The following GRM8 variants were observed in gnomAD, a reference collection of about 807,000 sequenced individuals.
The protein encoded by GRM8 is glutamate metabotropic receptor 8.
In GRM8, 47 loss-of-function variants were observed where a neutral mutation model predicts 87.2. The observed-to-expected ratio is 0.54, with a 90% CI of 0.43 to 0.69. The LOEUF is 0.69. GRM8 is among the 30% of genes least tolerant of loss of function. The pLI is 0.00. For synonymous variants in GRM8, 396 were observed against 404.5 expected (o/e 0.98, Z 0.25); for missense variants, 1,019 against 1,139.2 (o/e 0.89, Z 1.52).
chr7:127,105,476 T>A (rs1004542780), intron 3 of GRM8: 2 of 152,232 alleles, frequency 1.3e-5, no homozygotes, highest in African/African-American at 4.8e-5. Flanking sequence ...CATCTGCAAG[T>A]CTCTCAAGTG....
intron 3 of GRM8, among the ~76,000 whole-genome samples, chr7:126,998,521 A>G (rs1437256491): frequency 6.6e-6 from 1 of 151,896 alleles, no homozygotes; most frequent in Non-Finnish European, 1.5e-5. Context: ...TATTTGGTAA[A>G]GCCTAAACAC....
intron 8 of GRM8, among the ~76,000 whole-genome samples, chr7:126,586,503 C>A (rs1161337549): frequency 6.6e-6 from 1 of 152,084 alleles, no homozygotes; most frequent in Non-Finnish European, 1.5e-5. Flanking sequence ...TGGAACAGAA[C>A]AGAGCCCTCA....
chr7:127,066,383 G>A (rs909481851), intron 3 of GRM8, among the ~76,000 whole-genome samples: 7 of 152,164 alleles, frequency 4.6e-5, no homozygotes, highest in Admixed American at 2.6e-4. Context: ...ATATCTAAAC[G>A]CATGCAATTA....
At chr7:126,480,948 C>T (rs1262556408) in intron 9 of GRM8, among the ~76,000 whole-genome samples, 1 of 151,952 alleles carries the variant, frequency 6.6e-6, no homozygotes, top group Non-Finnish European at 1.5e-5. Flanking sequence ...GAACCTGGAA[C>T]ATCTTGGGGT....
At chr7:126,993,085 T>A (rs1173737442) in intron 3 of GRM8, among the ~76,000 whole-genome samples, 1 of 152,066 alleles carries the variant, frequency 6.6e-6, no homozygotes, top group Non-Finnish European at 1.5e-5. Flanking sequence ...TCAGACGACT[T>A]GAGGTTAAAA....
chr7:127,233,082 G>A (rs532819258), intron 2 of GRM8, among the ~76,000 whole-genome samples: 3 of 152,082 alleles, frequency 2.0e-5, no homozygotes, highest in South Asian at 2.1e-4. Context: ...CACCTGCCTC[G>A]GCCTCCCAAA....
At chr7:127,181,293 G>T (rs1233381246) in intron 2 of GRM8, among the ~76,000 whole-genome samples, 3 of 151,886 alleles carry the variant, frequency 2.0e-5, no homozygotes, top group Non-Finnish European at 2.9e-5. Flanking sequence ...TAACCAAGGG[G>T]TCAAAAGACC....
intron 7 of GRM8, among the ~76,000 whole-genome samples, chr7:126,643,601 T>C (rs532194907): frequency 6.6e-6 from 1 of 152,200 alleles, no homozygotes; most frequent in Admixed American, 6.6e-5. Context: ...TGGAATATCA[T>C]AGGATTTTAA....
chr7:126,466,136 T>C (rs1306507801), intron 9 of GRM8, among the ~76,000 whole-genome samples: 2 of 151,958 alleles, frequency 1.3e-5, no homozygotes, highest in Non-Finnish European at 2.9e-5. Flanking sequence ...GTTCTCAGTC[T>C]TTCAGTGGAA....
At chr7:126,884,522 C>T (rs1464487536) in intron 6 of GRM8, among the ~76,000 whole-genome samples, 1 of 152,044 alleles carries the variant, frequency 6.6e-6, no homozygotes, top group Non-Finnish European at 1.5e-5. Flanking sequence ...AGATTTTATG[C>T]ACATATTGCA....
At chr7:127,238,423 C>T (rs1255732542) in intron 2 of GRM8, among the ~76,000 whole-genome samples, 5 of 151,964 alleles carry the variant, frequency 3.3e-5, no homozygotes, top group South Asian at 2.1e-4. Context: ...TCCCAACACA[C>T]CTGAGGGATA....
intron 2 of GRM8, among the ~76,000 whole-genome samples, chr7:127,231,732 AG>A (rs2116811628): frequency 6.6e-6 from 1 of 152,272 alleles, no homozygotes; most frequent in South Asian, 2.1e-4. Context: ...CACATGGAAA[AG>A]AAAGGGAATT....
chr7:126,967,540 A>G (rs955290825), intron 3 of GRM8, among the ~76,000 whole-genome samples: 1 of 90,036 alleles, frequency 1.1e-5, no homozygotes, highest in African/African-American at 4.8e-5. Context: ...TCTTAAATCT[A>G]CATCCCTTGA....
chr7:127,008,258 C>T (rs1344039568), intron 3 of GRM8, among the ~76,000 whole-genome samples: 2 of 152,046 alleles, frequency 1.3e-5, no homozygotes, highest in South Asian at 2.1e-4. Flanking sequence ...ATCTTTTCAA[C>T]ATTAACATGA....
At chr7:127,010,728 A>T (rs1331481038) in intron 3 of GRM8, among the ~76,000 whole-genome samples, 1 of 152,158 alleles carries the variant, frequency 6.6e-6, no homozygotes, top group Non-Finnish European at 1.5e-5. Flanking sequence ...GTAATTCAGA[A>T]ACTTCATTGA....
intron 3 of GRM8, among the ~76,000 whole-genome samples, chr7:127,102,528 C>T (rs189884047): frequency 1.3e-5 from 2 of 152,344 alleles, no homozygotes; most frequent in Non-Finnish European, 2.9e-5. Flanking sequence ...ACATCCCAGC[C>T]ACTCTAGCTC....
chr7:126,676,082 T>C (rs1479614394), intron 7 of GRM8, among the ~76,000 whole-genome samples: 2 of 152,220 alleles, frequency 1.3e-5, no homozygotes, highest in African/African-American at 4.8e-5. Flanking sequence ...AGCACTGCTA[T>C]ACACTGATAA....
intron 7 of GRM8, among the ~76,000 whole-genome samples, chr7:126,649,868 G>A (rs932716377): frequency 1.3e-4 from 20 of 152,202 alleles, no homozygotes; most frequent in African/African-American, 4.8e-4. Context: ...TGGGCCATAT[G>A]ACCCAGGAGA....
intron 3 of GRM8, among the ~76,000 whole-genome samples, chr7:127,004,967 C>T (rs1365475994): frequency 6.6e-6 from 1 of 151,256 alleles, no homozygotes; most frequent in East Asian, 1.9e-4. Flanking sequence ...TTCTTAGTTA[C>T]CTAATCATTA....
Sources: gnomAD v4.1 joint callset for allele counts (sites outside exome capture counted in the v4.1 genomes callset) on GRCh38, gnomAD v4.1.1 for gene constraint, MANE v1.5 for transcripts, NCBI Gene and HGNC (gene_info 2026-07-23, HGNC 2026-07-21) for gene names.